The following PAICS variants were observed in gnomAD, a reference collection of about 807,000 sequenced individuals.
The protein encoded by PAICS is phosphoribosylaminoimidazole carboxylase and phosphoribosylaminoimidazolesuccinocarboxamide synthase.
PAICS carries 33 observed loss-of-function variants against 53.7 expected under a neutral mutation model. The observed-to-expected ratio is 0.61, with a 90% CI of 0.47 to 0.82. PAICS has a LOEUF of 0.82. Among genes scored for constraint, PAICS ranks in the 40% least tolerant of loss-of-function variants. The pLI is 0.00. For missense variants in PAICS, 394 were observed against 494.1 expected (o/e 0.80, Z 1.92); for synonymous variants, 141 against 167.2 (o/e 0.84, Z 1.21).
At chr4:56,442,584 C>A (rs568706228) in intron 2 of PAICS, among the ~76,000 whole-genome samples, 2 of 152,254 alleles carry the variant, frequency 1.3e-5, no homozygotes, top group Non-Finnish European at 2.9e-5. Context: ...TGAACTCTTG[C>A]CACACAGTGT....
chr4:56,436,017 C>A (rs1040635395), upstream of PAICS: 22 of 1,517,490 alleles, frequency 1.4e-5, no homozygotes, highest in African/African-American at 1.9e-4. Context: ...CGCCAGTGCG[C>A]GCCACTTTTC....
rs1006777737 is a variant in PAICS at position 56,462,588 on chromosome 4, T to C, written c.*3050T>C. 4 of 152,210 alleles carry C rather than the reference T, an allele frequency of 2.6e-5. No homozygotes were observed. The highest frequency in any genetic ancestry group is 9.7e-5 in the African/African-American group (4 of 41,448). 9.4% of individuals were successfully genotyped at this position (152,210 alleles called of 1,614,324 possible). A position where few individuals can be genotyped will look rare whatever the true frequency, so the allele number is the denominator to read the frequency against. Reference sequence around the variant, plus strand: ...TGCGACTAATACCACCTCATAAAGTTGTGAGAATTACATGAGTCAATATAT... The same window carrying C: ...TGCGACTAATACCACCTCATAAAGTCGTGAGAATTACATGAGTCAATATAT... On this transcript the variant is annotated 3_prime_UTR_variant, in exon 9 of 9. Coordinates refer to ENST00000512576, the MANE Select transcript of PAICS (RefSeq NM_001079524.2).
chr4:56,453,796 A>G (rs1232143547), intron 8 of PAICS, 35 bp downstream of exon 8: 4 of 1,463,566 alleles, frequency 2.7e-6, no homozygotes, highest in Non-Finnish European at 3.7e-6. Flanking sequence ...ACTGTTCATT[A>G]CAAGCATTTA....
At chr4:56,453,882 T>C (rs1003960199) in intron 8 of PAICS, 121 bp downstream of exon 8, 18 of 590,812 alleles carry the variant, frequency 3.0e-5, no homozygotes, top group Non-Finnish European at 4.9e-5. Context: ...AATTAACATC[T>C]TGTTGTGTCT....
At chr4:56,436,504 G>T (rs2110076873) in intron 1 of PAICS, 176 bp downstream of exon 1, 1 of 717,254 alleles carries the variant, frequency 1.4e-6, no homozygotes, top group South Asian at 1.5e-5. Flanking sequence ...TTACTGCCTC[G>T]GGGATGGGGA....
At chr4:56,435,801 A>G (rs1297349861), upstream of PAICS, 2 of 1,512,978 alleles carry the variant, frequency 1.3e-6, no homozygotes, top group Non-Finnish European at 8.9e-7. Flanking sequence ...GCACGTGGAA[A>G]TCTCCGTTAT....
chr4:56,415,110 T>C, the PAICS span, among the ~76,000 whole-genome samples: 1 of 152,190 alleles, frequency 6.6e-6, no homozygotes, highest in Non-Finnish European at 1.5e-5. Flanking sequence ...GTAAACATAA[T>C]GGTGAATCAT....
the PAICS span, among the ~76,000 whole-genome samples, chr4:56,417,006 C>T: frequency 4.6e-5 from 7 of 152,106 alleles, no homozygotes; most frequent in Non-Finnish European, 8.8e-5. Context: ...CGCACCATCA[C>T]GCCCAGCTAA....
chr4:56,438,371 T>TTAAATA (rs1553941192), intron 1 of PAICS, among the ~76,000 whole-genome samples: 1 of 113,636 alleles, frequency 8.8e-6, no homozygotes, highest in African/African-American at 3.0e-5. Flanking sequence ...TGCAATGTGT[T>TTAAATA]TATATATATA....
chr4:56,437,715 G>T (rs1357206678), intron 1 of PAICS, among the ~76,000 whole-genome samples: 1 of 150,754 alleles, frequency 6.6e-6, no homozygotes, highest in Non-Finnish European at 1.5e-5. Flanking sequence ...TAGCTACTCG[G>T]GAACCTGAGG....
rs559102291 is a variant in PAICS at position 56,455,505 on chromosome 4, T to G, written c.1111+1744T>G. Reference sequence around the variant, plus strand: ...AGACTCATTTTGCCTTTCTCTAGGCTTGGATCTCCCATGTTTTCCCCTTAC... The same window carrying G: ...AGACTCATTTTGCCTTTCTCTAGGCGTGGATCTCCCATGTTTTCCCCTTAC... On this transcript the variant is annotated intron_variant, in intron 8 of 8. Transcript: ENST00000512576. 2.0e-5 allele frequency among the ~76,000 whole-genome samples: 3 copies of G among 152,338 alleles called. No individual in the cohort carries two copies. The East Asian group carries it at 5.8e-4, about 29-fold the overall frequency.
chr4:56,415,347 C>A, the PAICS span, among the ~76,000 whole-genome samples: 1 of 152,194 alleles, frequency 6.6e-6, no homozygotes, highest in African/African-American at 2.4e-5. Flanking sequence ...TATAATTCAT[C>A]TTCATGTGTC....
upstream of PAICS, among the ~76,000 whole-genome samples, chr4:56,434,578 T>G (rs760310517): frequency 6.6e-6 from 1 of 152,152 alleles, no homozygotes; most frequent in South Asian, 2.1e-4. Context: ...CAAAATCAAG[T>G]GTATGGATCT....
the PAICS span, among the ~76,000 whole-genome samples, chr4:56,418,395 T>C: frequency 6.6e-6 from 1 of 152,120 alleles, no homozygotes; most frequent in Non-Finnish European, 1.5e-5. Flanking sequence ...TCTCAGCCCA[T>C]TGCAACCTCC....
At chr4:56,414,418 C>T in the PAICS span, 4 of 152,240 alleles carry the variant, frequency 2.6e-5, no homozygotes, top group African/African-American at 4.8e-5. Flanking sequence ...TCATCTTCTG[C>T]TAAATCTCAT....
At chr4:56,417,101 G>A in the PAICS span, among the ~76,000 whole-genome samples, 26 of 152,048 alleles carry the variant, frequency 1.7e-4, no homozygotes, top group Admixed American at 2.6e-4. Flanking sequence ...CACCCGCCTC[G>A]GCCTCCCAAA....
At chr4:56,456,858 G>C (rs555227859) in intron 8 of PAICS, among the ~76,000 whole-genome samples, 42 of 152,018 alleles carry the variant, frequency 2.8e-4, no homozygotes, top group Non-Finnish European at 1.0e-4. Context: ...GTTGCATATA[G>C]TTACTTTCTT....
chr4:56,460,274 C>A lies in PAICS; in HGVS notation c.*736C>A, dbSNP rs1192722558. 6.6e-6 allele frequency: 1 copy of A among 152,196 alleles called. No homozygotes were observed. Among genetic ancestry groups the A allele is most frequent in the South Asian group, 2.1e-4 (1 of 4,828 alleles). 9.4% of individuals were successfully genotyped at this position (152,196 alleles called of 1,614,324 possible). On this transcript the variant is annotated 3_prime_UTR_variant, in exon 9 of 9. Coordinates refer to ENST00000512576, the MANE Select transcript of PAICS (RefSeq NM_001079524.2). ...GAATGCTCCCAACTTTATTCATCTT[C>A]CAAGCCTGTAGCTCTTGGTATACTC...
rs1212404001 is a variant in PAICS, at chr4:56,463,212, T to G, written c.*3674T>G. 6.6e-6 allele frequency: 1 copy of G among 152,070 alleles called. No individual in the cohort carries two copies. Among genetic ancestry groups the G allele is most frequent in the East Asian group, 1.9e-4 (1 of 5,154 alleles). 9.4% of individuals were successfully genotyped at this position (152,070 alleles called of 1,614,324 possible). On this transcript the variant is annotated 3_prime_UTR_variant, in exon 9 of 9. Transcript: ENST00000512576. ...CACACCTCAAATACTTGGGGTGGAA[T>G]TGTTAATCTCACATTGCAGTACAAT...
Sources: allele counts gnomAD v4.1 joint callset (sites outside exome capture counted in the v4.1 genomes callset), GRCh38; gene constraint gnomAD v4.1.1; transcripts MANE v1.5; gene names NCBI Gene and HGNC (gene_info 2026-07-23, HGNC 2026-07-21).